TECPR2: variants seen among roughly 807,000 people sequenced by gnomAD.
The protein encoded by TECPR2 is tectonin beta-propeller repeat-containing protein 2.
TECPR2 carries 65 observed loss-of-function variants against 138.1 expected under a neutral mutation model. The ratio of observed to expected loss-of-function variants is 0.47; its 90% CI spans 0.39 to 0.58. The LOEUF (loss-of-function observed/expected upper bound fraction) is 0.58. TECPR2 is among the 20% of genes least tolerant of loss of function. TECPR2 has a pLI of 0.00. For missense variants in TECPR2, 1,553 were observed against 1,824.5 expected, an observed-to-expected ratio of 0.85 and a Z score of 2.71; for synonymous variants, 746 against 749.8, an observed-to-expected ratio of 0.99 and a Z score of 0.08.
At chr14:102,413,650 A>G (rs1888943860) in intron 4 of TECPR2, among the ~76,000 whole-genome samples, 3 of 151,866 alleles carry the variant, frequency 2.0e-5, no homozygotes, top group Non-Finnish European at 4.4e-5. Context: ...AAATATAGGG[A>G]TTACAAGTGT....
intron 17 of TECPR2, among the ~76,000 whole-genome samples, chr14:102,493,334 A>C (rs951024558): frequency 4.0e-5 from 6 of 151,678 alleles, no homozygotes; most frequent in Non-Finnish European, 5.9e-5. Context: ...CGGCCTTCCG[A>C]GTGGGGAAGG....
At position 102,478,202 on chromosome 14, in the gene TECPR2, C is replaced by T. The variant is rs1475477213; in HGVS notation, c.3789+12913C>T. ...CTAGGACACTACAGGCATGCACCAC[C>T]GCACCTAGCTAATTTTTAAAAAAAT... On this transcript the variant is annotated intron_variant, in intron 17 of 19. Coordinates refer to ENST00000359520, the MANE Select transcript of TECPR2 (RefSeq NM_014844.5). Among the ~76,000 whole-genome samples, 8 of 151,822 alleles carry T rather than the reference C, an allele frequency of 5.3e-5. No homozygotes were observed. In the South Asian group the frequency reaches 6.2e-4, roughly 12 times the overall value.
intron 9 of TECPR2, chr14:102,437,283 A>C (rs985073453): frequency 1.4e-5 from 12 of 834,578 alleles, no homozygotes; most frequent in Non-Finnish European, 1.7e-5. Flanking sequence ...ACAGTGGCTC[A>C]CGCCTGTAAT....
intron 2 of TECPR2, among the ~76,000 whole-genome samples, chr14:102,385,403 C>T (rs1221487214): frequency 1.3e-5 from 2 of 152,118 alleles, no homozygotes; most frequent in African/African-American, 4.8e-5. Context: ...TAAATTTTGG[C>T]AAAGACAAAC....
chr14:102,498,029 G>GCTCCCAGCTCCATCTGTGCCCAAC, intron 19 of TECPR2, 74 bp from the exon 20 acceptor site: 1 of 1,560,258 alleles, frequency 6.4e-7, no homozygotes, highest in Non-Finnish European at 8.7e-7. Flanking sequence ...CTGCGCCCAA[G>GCTCCCAGCTCCATCTGTGCCCAAC]CTCCCAGCTC....
chr14:102,456,444 G>T (rs547650550), intron 16 of TECPR2, among the ~76,000 whole-genome samples: 1 of 152,196 alleles, frequency 6.6e-6, no homozygotes, highest in East Asian at 1.9e-4. Flanking sequence ...GCTTTGTGTT[G>T]GGGCAAGGGA....
chr14:102,454,375 G>A (rs1206091226), intron 16 of TECPR2, among the ~76,000 whole-genome samples: 2 of 152,170 alleles, frequency 1.3e-5, no homozygotes, highest in Non-Finnish European at 2.9e-5. Flanking sequence ...TGCCTGAAAA[G>A]GCCCCTGAAC....
chr14:102,498,052 C>CTCCCAGCTCCATCTGTG, intron 19 of TECPR2, 51 bp from the exon 20 acceptor site: 1 of 1,003,116 alleles, frequency 1.0e-6, no homozygotes. Flanking sequence ...TCTGTGCCCA[C>CTCCCAGCTCCATCTGTG]CCCACAGGCT....
chr14:102,401,788 G>C (rs1034704643), intron 2 of TECPR2, among the ~76,000 whole-genome samples: 4 of 113,024 alleles, frequency 3.5e-5, no homozygotes, highest in African/African-American at 1.4e-4. Context: ...CTGTGCAAAA[G>C]AGCGAGACTC....
At chr14:102,414,489 G>A in intron 4 of TECPR2, 147 bp from the exon 5 acceptor site, 1 of 942,366 alleles carries the variant, frequency 1.1e-6, no homozygotes, top group Non-Finnish European at 1.6e-6. Flanking sequence ...TGGGTTGAGA[G>A]TGAATCTGCA....
chr14:102,379,275 A>G (rs1352250049), intron 2 of TECPR2, among the ~76,000 whole-genome samples: 4 of 149,576 alleles, frequency 2.7e-5, no homozygotes, highest in African/African-American at 7.4e-5. Context: ...GAGGCGTCCT[A>G]GTCACACTGC....
At chr14:102,459,548 G>A (rs1358592959) in intron 16 of TECPR2, among the ~76,000 whole-genome samples, 1 of 152,074 alleles carries the variant, frequency 6.6e-6, no homozygotes, top group African/African-American at 2.4e-5. Flanking sequence ...GAGAGGCCAA[G>A]GTGCGTAGAT....
chr14:102,412,157 G>A (rs1233860285), intron 4 of TECPR2, among the ~76,000 whole-genome samples: 1 of 127,460 alleles, frequency 7.8e-6, no homozygotes, highest in African/African-American at 3.1e-5. Context: ...TTGAGACATG[G>A]TCTTACTCCT....
At chr14:102,465,481 T>C in intron 17 of TECPR2, 192 bp downstream of exon 17, 1 of 1,379,378 alleles carries the variant, frequency 7.2e-7, no homozygotes, top group Non-Finnish European at 9.3e-7. Context: ...AGTTTAGAGC[T>C]GAACAGACTG....
At chr14:102,429,372 G>C (rs17780137) in intron 7 of TECPR2, among the ~76,000 whole-genome samples, 1 of 152,126 alleles carries the variant, frequency 6.6e-6, no homozygotes. Context: ...GATTTGCATA[G>C]AGTTTTAGAA....
chr14:102,450,145 C>T (rs1890102054), intron 14 of TECPR2, among the ~76,000 whole-genome samples: 1 of 152,106 alleles, frequency 6.6e-6, no homozygotes, highest in African/African-American at 2.4e-5. Context: ...TTTATGTTAA[C>T]AATTTCACAT....
chr14:102,491,767 T>C (rs972691179), intron 17 of TECPR2, among the ~76,000 whole-genome samples: 1 of 152,218 alleles, frequency 6.6e-6, no homozygotes, highest in Non-Finnish European at 1.5e-5. Flanking sequence ...GGTGTCCCTC[T>C]GGCCCTTCTC....
chr14:102,449,683 A>G lies in TECPR2; in HGVS notation c.3130A>G (p.Ile1044Val), dbSNP rs140453036. The stretch of plus-strand genomic sequence containing the variant: ...CCAGTGCAGCTTATTTCAGACGATA[A>G]TCCATGCCACTCACTCGGTGGCCAC... ...FDQCSLFQTI[I>V]HATHSVATAA... Residue 1044 changes from isoleucine to valine, a missense_variant, in exon 14 of 20, where the codon ATC (isoleucine) becomes GTC (valine). By Grantham distance (29) the Ile-to-Val change is conservative. Transcript: ENST00000359520. The G allele has an allele frequency of 9.3e-6, 15 of 1,613,876 alleles. No homozygotes were observed. In the African/African-American group the frequency reaches 2.0e-4, roughly 22 times the overall value.
At chr14:102,456,321 G>A (rs928475864) in intron 16 of TECPR2, among the ~76,000 whole-genome samples, 3 of 152,122 alleles carry the variant, frequency 2.0e-5, no homozygotes, top group African/African-American at 4.8e-5. Context: ...ATCCTGCCCT[G>A]AACTTTAGAT....
Sources: allele counts gnomAD v4.1 joint callset (sites outside exome capture counted in the v4.1 genomes callset), GRCh38; gene constraint gnomAD v4.1.1; transcripts MANE v1.5; gene names NCBI Gene and HGNC (gene_info 2026-07-23, HGNC 2026-07-21).